ACOX1: variants seen among roughly 807,000 people sequenced by gnomAD.
The protein encoded by ACOX1 is acyl-CoA oxidase 1.
In ACOX1, 41 loss-of-function variants were observed where a neutral mutation model predicts 75.5. The observed-to-expected ratio is 0.54, with a 90% CI of 0.42 to 0.70. The LOEUF is 0.70. Ranked by LOEUF, ACOX1 falls within the 30% of genes least tolerant of loss-of-function variation. ACOX1 has a pLI of 0.00. For synonymous variants in ACOX1, 303 were observed against 298.8 expected, an observed-to-expected ratio of 1.01 and a Z score of -0.15; for missense variants, 630 against 837.5, an observed-to-expected ratio of 0.75 and a Z score of 3.06.
chr17:75,970,229 C>G (rs1275281089), intron 2 of ACOX1, among the ~76,000 whole-genome samples: 2 of 140,054 alleles, frequency 1.4e-5, no homozygotes, highest in Non-Finnish European at 3.1e-5. Flanking sequence ...AGTGAGCAAG[C>G]AAGCAAACAA....
chr17:75,968,621 A>AT (rs1299020783), intron 2 of ACOX1, among the ~76,000 whole-genome samples: 7 of 145,192 alleles, frequency 4.8e-5, no homozygotes, highest in African/African-American at 1.8e-4. Flanking sequence ...AAAAAAAAAA[A>AT]AAAGAAATAT....
chr17:75,953,358 G>A lies in ACOX1; in HGVS notation c.944+93C>T, dbSNP rs1598177927. 7 of 1,448,536 alleles carry A rather than the reference G, an allele frequency of 4.8e-6. No individual in the cohort carries two copies. In the East Asian group the frequency reaches 1.6e-4, roughly 33 times the overall value. The allele number at this position is 1,448,536 out of a possible 1,614,324, so 89.7% of individuals were successfully genotyped here. A position where few individuals can be genotyped will look rare whatever the true frequency, so the allele number is the denominator to read the frequency against. On this transcript the variant is annotated intron_variant, in intron 7 of 13. Transcript: ENST00000293217. ...CCCTAGCCAATTTTGCAGTGCTAAT[G>A]CATCTTCTGTATTGACATTTGGGAA...
intron 4 of ACOX1, among the ~76,000 whole-genome samples, chr17:75,957,080 ATATT>A (rs1474998070): frequency 2.3e-4 from 34 of 149,656 alleles, no homozygotes; most frequent in African/African-American, 6.9e-4. Context: ...ACACACACAT[ATATT>A]TGTTTGTTGG....
At chr17:75,954,198 A>G (rs2144250155) in intron 6 of ACOX1, among the ~76,000 whole-genome samples, 1 of 149,550 alleles carries the variant, frequency 6.7e-6, no homozygotes, top group South Asian at 2.1e-4. Context: ...CCTGGGTGAC[A>G]GAGCAAGACT....
rs2065874817 is a variant in ACOX1 at position 75,960,234 on chromosome 17, G to A, written c.411C>T (p.Ala137=). 3.7e-6 allele frequency: 6 copies of A among 1,614,098 alleles called. No homozygotes were observed. In the East Asian group the frequency reaches 8.9e-5, roughly 24 times the overall value. ...AWNLEIIGTY[A]QTEMGHGTHL... ...CCATACCATGACCCATCTCTGTCTG[G>A]GCATAAGTGCCAATGATCTCCAAGT... is the stretch of plus-strand genomic sequence containing the variant. Residue 137 remains alanine (A), a synonymous_variant, in exon 3 of 14, where the codon GCC becomes GCT. Transcript: ENST00000293217. The surrounding 1 kb of genome is among the most constrained non-coding windows in gnomAD (Gnocchi z 4.4).
intron 2 of ACOX1, among the ~76,000 whole-genome samples, chr17:75,965,013 T>C (rs374169608): frequency 9.2e-5 from 14 of 152,036 alleles, no homozygotes; most frequent in Non-Finnish European, 1.3e-4. Flanking sequence ...AATAAGTGAA[T>C]TGAGAAAAGC....
At position 75,960,379 on chromosome 17, in the gene ACOX1, C is replaced by G; in HGVS notation, c.270-4G>C. The stretch of plus-strand genomic sequence containing the variant: ...AGGCCGCCCTCGGTGCACAAAACTT[C>G]GAGGAAATATCAAGGATGGGCATTT... On this transcript the variant is annotated splice_polypyrimidine_tract_variant and splice_region_variant and intron_variant, in intron 2 of 13. Coordinates refer to ENST00000293217, the MANE Select transcript of ACOX1 (RefSeq NM_004035.7). The surrounding 1 kb of genome is among the most constrained non-coding windows in gnomAD (Gnocchi z 4.4). 6.2e-7 allele frequency: 1 copy of G among 1,613,238 alleles called. No homozygotes were observed. The highest frequency in any genetic ancestry group is 8.5e-7 in the Non-Finnish European group (1 of 1,179,912).
At chr17:75,967,680 AC>A (rs1320382169) in intron 2 of ACOX1, among the ~76,000 whole-genome samples, 2 of 134,736 alleles carry the variant, frequency 1.5e-5, no homozygotes, top group Admixed American at 7.5e-5. Context: ...ACATATATAT[AC>A]GTATATATAT....
chr17:75,967,704 A>C (rs991180558), intron 2 of ACOX1, among the ~76,000 whole-genome samples: 2 of 138,964 alleles, frequency 1.4e-5, no homozygotes, highest in African/African-American at 5.4e-5. Context: ...ATACATATAT[A>C]TACATATATA....
intron 2 of ACOX1, among the ~76,000 whole-genome samples, chr17:75,976,245 G>A (rs944887404): frequency 6.6e-6 from 1 of 152,160 alleles, no homozygotes; most frequent in African/African-American, 2.4e-5. Flanking sequence ...CATGAAAAAT[G>A]ATACACAAAA....
At chr17:75,949,652 C>T (rs769829197) in intron 10 of ACOX1, 52 bp from the exon 11 acceptor site, 1 of 1,613,180 alleles carries the variant, frequency 6.2e-7, no homozygotes, top group Non-Finnish European at 8.5e-7. Context: ...GTACTCATGC[C>T]TTCTTGCCAT....
chr17:75,970,181 C>G (rs2065979651), intron 2 of ACOX1, among the ~76,000 whole-genome samples: 1 of 54,164 alleles, frequency 1.8e-5, no homozygotes, highest in African/African-American at 2.3e-4. Context: ...CATGAGACTC[C>G]TTCAAAAAAA....
chr17:75,959,799 A>C (rs887008283), intron 3 of ACOX1, among the ~76,000 whole-genome samples: 1 of 152,210 alleles, frequency 6.6e-6, no homozygotes, highest in African/African-American at 2.4e-5. Flanking sequence ...CAAATCCAAG[A>C]GTACACAAAC....
intron 2 of ACOX1, among the ~76,000 whole-genome samples, chr17:75,968,018 C>A (rs1035631617): frequency 2.7e-5 from 4 of 150,382 alleles, no homozygotes; most frequent in Non-Finnish European, 5.9e-5. Context: ...GGATTACAGG[C>A]GAGAGCCATT....
In ACOX1 at chr17:75,946,196, G is replaced by C. The variant is rs1273229421; in HGVS notation, c.*552C>G. 2 of 165,842 alleles carry C rather than the reference G, an allele frequency of 1.2e-5. No homozygotes were observed. The highest frequency in any genetic ancestry group is 4.8e-5 in the African/African-American group (2 of 41,498). 10.3% of individuals were successfully genotyped at this position (165,842 alleles called of 1,614,324 possible). A position where few individuals can be genotyped will look rare whatever the true frequency, so the allele number is the denominator to read the frequency against. Reference sequence around the variant, plus strand: ...TGATAAATGCAATCCATCAGCAAAGGAGAGCAAGCAGGCAGAGACTGTGCC... The same window carrying C: ...TGATAAATGCAATCCATCAGCAAAGCAGAGCAAGCAGGCAGAGACTGTGCC... On this transcript the variant is annotated 3_prime_UTR_variant, in exon 14 of 14. Coordinates refer to ENST00000293217, the MANE Select transcript of ACOX1 (RefSeq NM_004035.7).
chr17:75,977,067 G>A (rs1261588661), intron 2 of ACOX1, among the ~76,000 whole-genome samples: 1 of 136,162 alleles, frequency 7.3e-6, no homozygotes, highest in Non-Finnish European at 1.5e-5. Flanking sequence ...GCGTGATCTC[G>A]GCTCAGTGCA....
intron 2 of ACOX1, among the ~76,000 whole-genome samples, chr17:75,964,717 C>G (rs536672991): frequency 7.4e-4 from 112 of 152,258 alleles, no homozygotes; most frequent in Non-Finnish European, 1.4e-3. Flanking sequence ...GTTTTAAAAG[C>G]TGCTTATGCA....
intron 2 of ACOX1, among the ~76,000 whole-genome samples, chr17:75,969,856 C>T (rs559970945): frequency 5.3e-5 from 8 of 151,834 alleles, no homozygotes; most frequent in African/African-American, 1.7e-4. Context: ...AAGAAAGGAA[C>T]GAAAGGAATG....
intron 2 of ACOX1, among the ~76,000 whole-genome samples, chr17:75,969,874 G>T (rs1035697083): frequency 1.1e-4 from 16 of 152,040 alleles, no homozygotes; most frequent in African/African-American, 3.6e-4. Flanking sequence ...ATGGAGGAAG[G>T]GAAGAAGACA....
Sources: gnomAD v4.1 joint callset for allele counts (sites outside exome capture counted in the v4.1 genomes callset) on GRCh38, gnomAD v4.1.1 for gene constraint, Gnocchi (gnomAD v3.1) non-coding constraint, MANE v1.5 for transcripts, NCBI Gene and HGNC (gene_info 2026-07-23, HGNC 2026-07-21) for gene names.